Variants in SLAMF9 observed in about 807,000 individuals in gnomAD.
The protein encoded by SLAMF9 is CD2 family member 10.
SLAMF9 carries 25 observed loss-of-function variants against 30.4 expected under a neutral mutation model. That is an observed-to-expected ratio of 0.82 (90% CI 0.60 to 1.15). The LOEUF (loss-of-function observed/expected upper bound fraction) is 1.15, where lower values mean the gene tolerates loss of function less well. SLAMF9 is among the 50% of genes most tolerant of loss of function. The pLI is 0.00. For synonymous variants in SLAMF9, 129 were observed against 127.2 expected (o/e 1.01, Z -0.09); for missense variants, 344 against 346.1 (o/e 0.99, Z 0.05).
chr1:159,967,073 G>C, the SLAMF9 span, among the ~76,000 whole-genome samples: 1 of 152,072 alleles, frequency 6.6e-6, no homozygotes, highest in African/African-American at 2.4e-5. Flanking sequence ...AATGTAATGA[G>C]GGTTTCCCCT....
At chr1:159,959,425 G>T in the SLAMF9 span, among the ~76,000 whole-genome samples, 4 of 151,880 alleles carry the variant, frequency 2.6e-5, no homozygotes, top group Non-Finnish European at 5.9e-5. Context: ...TGCCCCTATC[G>T]TACAGCACCC....
the SLAMF9 span, among the ~76,000 whole-genome samples, chr1:159,980,222 C>T: frequency 1.3e-5 from 2 of 152,182 alleles, no homozygotes; most frequent in African/African-American, 2.4e-5. Context: ...CACCTCCCCA[C>T]GGTGGGCTGT....
At chr1:159,960,957 A>G in the SLAMF9 span, among the ~76,000 whole-genome samples, 1 of 152,192 alleles carries the variant, frequency 6.6e-6, no homozygotes, top group African/African-American at 2.4e-5. Context: ...GTTGTCCACA[A>G]CGGTAATCAA....
At position 159,953,618 on chromosome 1, in the gene SLAMF9, C is replaced by T. The variant is rs1036380127; in HGVS notation, c.82G>A (p.Glu28Lys). ...QRRLWRWCGS[E>K]EVVAVLQESI... ...TCCTGAAGGACCGCAACCACTTCCT[C>T]GGATCCACACCATCTCCAGAGTCTC... Residue 28 changes from glutamate (E) to lysine (K), a missense_variant, in exon 2 of 4, where the codon GAG becomes AAG. Physicochemically the swap from Glu to Lys is moderately conservative, Grantham distance 56. Coordinates refer to ENST00000368093, the MANE Select transcript of SLAMF9 (RefSeq NM_033438.4). 2.1e-5 allele frequency: 33 copies of T among 1,608,782 alleles called. No individual in the cohort carries two copies. The highest frequency in any genetic ancestry group is 2.2e-5 in the East Asian group (1 of 44,702).
At chr1:159,970,211 A>C in the SLAMF9 span, among the ~76,000 whole-genome samples, 1 of 152,206 alleles carries the variant, frequency 6.6e-6, no homozygotes, top group Non-Finnish European at 1.5e-5. Flanking sequence ...GCCTCCATTG[A>C]GAATCACTAA....
chr1:159,974,704 G>C, the SLAMF9 span, among the ~76,000 whole-genome samples: 3 of 152,182 alleles, frequency 2.0e-5, no homozygotes, highest in African/African-American at 7.2e-5. Flanking sequence ...TACGTTCTCT[G>C]TCCTGATTGG....
the SLAMF9 span, among the ~76,000 whole-genome samples, chr1:159,970,342 G>C: frequency 1.3e-5 from 2 of 152,178 alleles, no homozygotes; most frequent in Non-Finnish European, 2.9e-5. Flanking sequence ...GTCAAAGAGT[G>C]TTATAAAGCA....
chr1:159,959,410 C>T, the SLAMF9 span, among the ~76,000 whole-genome samples: 68 of 152,180 alleles, frequency 4.5e-4, no homozygotes, highest in Middle Eastern at 6.8e-3. Flanking sequence ...AGAGGCCTGT[C>T]CAAATGCCCC....
In SLAMF9 at chr1:159,952,249, G is replaced by T. The variant is rs1651771281; in HGVS notation, c.664+13C>A. On this transcript the variant is annotated intron_variant, in intron 3 of 3. Transcript: ENST00000368093. ...TTTCATGAGCTCAGGGGGTGTCTCA[G>T]GGGTTCTGGTACCTGCATAGAAGGG... The T allele has an allele frequency of 1.9e-6, 3 of 1,613,332 alleles. No homozygotes were observed. The East Asian group carries it at 6.7e-5, about 36-fold the overall frequency.
In SLAMF9 at chr1:159,953,466, G is replaced by C. The variant is rs1185047525; in HGVS notation, c.234C>G (p.Thr78=). The C allele has an allele frequency of 1.2e-6, 2 of 1,614,060 alleles. No homozygotes were observed. Among genetic ancestry groups the C allele is most frequent in the East Asian group, 2.2e-5 (1 of 44,896 alleles). ...KEGHPATIMV[T]NPHYQGQVSF... ...TCACTTGGCCCTGGTAGTGTGGATT[G>C]GTCACCATGATGGTAGCTGGATGTC... The change falls in exon 2 of 4, where the codon ACC becomes ACG. Residue 78 remains threonine, a synonymous_variant. Coordinates refer to ENST00000368093, the MANE Select transcript of SLAMF9 (RefSeq NM_033438.4).
Position 159,952,489 on chromosome 1 carries a change from C to T in SLAMF9, c.437G>A (p.Gly146Glu). Residue 146 changes from glycine (G) to glutamate (E), a missense_variant, in exon 3 of 4, where the codon GGG (glycine) becomes GAG (glutamate). By Grantham distance (98) the Gly-to-Glu change is moderately conservative (BLOSUM62 -2). Transcript: ENST00000368093. ...PQITVNFESS[G>E]EGACSMSLVC... ...CAGGGACATACTGCAGGCACCTTCCCCAGAACTCTCAAAGTTCACAGTGAT... is the reference window on the plus strand; with the variant it reads ...CAGGGACATACTGCAGGCACCTTCCTCAGAACTCTCAAAGTTCACAGTGAT... 1.2e-6 allele frequency: 2 copies of T among 1,614,080 alleles called. No homozygotes were observed. The highest frequency in any genetic ancestry group is 4.5e-5 in the East Asian group (2 of 44,878).
the SLAMF9 span, among the ~76,000 whole-genome samples, chr1:159,982,467 A>G: frequency 3.9e-5 from 6 of 152,220 alleles, no homozygotes; most frequent in Non-Finnish European, 8.8e-5. Flanking sequence ...TTAAATTCCT[A>G]TTAAGATCCA....
chr1:159,971,960 T>C, the SLAMF9 span, among the ~76,000 whole-genome samples: 5 of 152,026 alleles, frequency 3.3e-5, no homozygotes, highest in African/African-American at 1.2e-4. Context: ...ACAAAAAAAC[T>C]TGTCTGTAAG....
In SLAMF9 at chr1:159,952,286, T is replaced by G; in HGVS notation, c.640A>C (p.Ile214Leu). ...CCTGCATAGAAGGGCCCATCAGGGA[T>G]GGGGCAAGAACTGACGTTGCTGATG... is the stretch of plus-strand genomic sequence containing the variant. ...NPISNVSSCP[I>L]PDGPFYADPN... Residue 214 changes from isoleucine to leucine, a missense_variant, in exon 3 of 4, where the codon ATC becomes CTC. Coordinates refer to ENST00000368093, the MANE Select transcript of SLAMF9 (RefSeq NM_033438.4). 6.2e-7 allele frequency: 1 copy of G among 1,613,934 alleles called. No homozygotes were observed. Among genetic ancestry groups the G allele is most frequent in the Non-Finnish European group, 8.5e-7 (1 of 1,179,960 alleles).
chr1:159,974,498 G>A, the SLAMF9 span, among the ~76,000 whole-genome samples: 16 of 152,268 alleles, frequency 1.1e-4, no homozygotes, highest in African/African-American at 3.1e-4. Context: ...CACCTCCAGT[G>A]ACAGCTCCAG....
the SLAMF9 span, among the ~76,000 whole-genome samples, chr1:159,965,958 T>C: frequency 6.6e-6 from 1 of 152,222 alleles, no homozygotes; most frequent in African/African-American, 2.4e-5. Flanking sequence ...TTGATATTTT[T>C]GTGGTGATAT....
intron 2 of SLAMF9, among the ~76,000 whole-genome samples, 180 bp from the exon 3 acceptor site, chr1:159,952,714 C>T (rs1471524507): frequency 6.6e-6 from 1 of 152,194 alleles, no homozygotes; most frequent in African/African-American, 2.4e-5. Flanking sequence ...GTCCCCAAGG[C>T]AACTGTCAAG....
At chr1:159,967,113 C>T in the SLAMF9 span, among the ~76,000 whole-genome samples, 1 of 152,140 alleles carries the variant, frequency 6.6e-6, no homozygotes, top group African/African-American at 2.4e-5. Flanking sequence ...TTTATAGTGT[C>T]AAGTCTTACA....
the SLAMF9 span, among the ~76,000 whole-genome samples, chr1:159,967,407 G>A: frequency 6.6e-6 from 1 of 152,210 alleles, no homozygotes; most frequent in South Asian, 2.1e-4. Context: ...TAGGCTTTTG[G>A]AACCTTTGTC....
Sources: gnomAD v4.1 joint callset for allele counts (sites outside exome capture counted in the v4.1 genomes callset) on GRCh38, gnomAD v4.1.1 for gene constraint, MANE v1.5 for transcripts, NCBI Gene and HGNC (gene_info 2026-07-23, HGNC 2026-07-21) for gene names.